CDK13: variants seen among roughly 807,000 people sequenced by gnomAD.
The protein encoded by CDK13 is cyclin-dependent kinase 13.
A neutral mutation model predicts 137.6 loss-of-function variants in CDK13; 40 were observed. The ratio of observed to expected loss-of-function variants is 0.29; its 90% confidence interval spans 0.23 to 0.38. The LOEUF (loss-of-function observed/expected upper bound fraction) is 0.38. Among genes scored for constraint, CDK13 ranks in the 10% least tolerant of loss-of-function variants. CDK13 has a pLI of 1.00. For synonymous variants in CDK13, 869 were observed against 760.1 expected (o/e 1.14, Z -2.36); for missense variants, 1,704 against 1,951.8 (o/e 0.87, Z 2.39).
chr7:40,088,525 C>T (rs550352640), intron 12 of CDK13, among the ~76,000 whole-genome samples, 194 bp downstream of exon 12: 2 of 152,240 alleles, frequency 1.3e-5, no homozygotes, highest in South Asian at 4.1e-4. Flanking sequence ...CTTAAGGTAA[C>T]TTATAAAGAA....
chr7:39,950,583 C>A lies in CDK13; in HGVS notation c.-59C>A. 7.8e-7 allele frequency: 1 copy of A among 1,282,614 alleles called. No individual in the cohort carries two copies. The highest frequency in any genetic ancestry group is 9.8e-7 in the Non-Finnish European group (1 of 1,015,302). The allele number at this position is 1,282,614 out of a possible 1,614,324, so 79.5% of individuals were successfully genotyped here. ...TCCCGTTTCCGGCGGGGGAGATGGC[C>A]AGGATCTGACCCGGGAGGAGGCCGC... On this transcript the variant is annotated 5_prime_UTR_variant, in exon 1 of 14. Transcript: ENST00000181839.
chr7:40,074,637 A>T (rs1425690006), intron 9 of CDK13, among the ~76,000 whole-genome samples: 1 of 152,008 alleles, frequency 6.6e-6, no homozygotes, highest in Non-Finnish European at 1.5e-5. Context: ...CAGGAGGATC[A>T]CTTGAGGCTA....
Position 40,001,920 on chromosome 7 carries a change from A to G in CDK13, c.2242A>G (p.Thr748Ala). 6.2e-7 allele frequency: 1 copy of G among 1,610,876 alleles called. No homozygotes were observed. Among genetic ancestry groups the G allele is most frequent in the Non-Finnish European group, 8.5e-7 (1 of 1,177,304 alleles). The change falls in exon 5 of 14, where the codon ACA becomes GCA. Residue 748 changes from threonine (T) to alanine (A), a missense_variant. By Grantham distance (58) the Thr-to-Ala change is moderately conservative. Transcript: ENST00000181839. ...LDNEKEGFPITAIREIKILRQ... is the reference protein window; with the variant it reads ...LDNEKEGFPIAAIREIKILRQ... Reference sequence around the variant, plus strand: ...TAATGAAAAGGAAGGCTTTCCAATTACAGCAATTCGAGAAATTAAAATTCT... The same window carrying G: ...TAATGAAAAGGAAGGCTTTCCAATTGCAGCAATTCGAGAAATTAAAATTCT...
chr7:39,950,688 G>A lies in CDK13; in HGVS notation c.47G>A (p.Ser16Asn), dbSNP rs769526109. The A allele has an allele frequency of 2.8e-6, 4 of 1,429,368 alleles. No individual in the cohort carries two copies. Among genetic ancestry groups the A allele is most frequent in the South Asian group, 2.9e-5 (2 of 69,826 alleles). The allele number at this position is 1,429,368 out of a possible 1,614,324, so 88.5% of individuals were successfully genotyped here. A position where few individuals can be genotyped will look rare whatever the true frequency, so the allele number is the denominator to read the frequency against. Residue 16 changes from serine to asparagine, a missense_variant, in exon 1 of 14, where the codon AGC becomes AAC. Coordinates refer to ENST00000181839, the MANE Select transcript of CDK13 (RefSeq NM_003718.5). ...GCGCTGGGGGGAGGCGGGGGCCTGAGCTGGGCGGAGAAGAAGTTGGAGGAA... is the reference window on the plus strand; with the variant it reads ...GCGCTGGGGGGAGGCGGGGGCCTGAACTGGGCGGAGAAGAAGTTGGAGGAA... ...DTALGGGGGL[S>N]WAEKKLEERR...
rs1027734369 is a variant in CDK13 at position 39,987,596 on chromosome 7, C to T, written c.1212-3C>T. The T allele has an allele frequency of 1.3e-6, 2 of 1,575,754 alleles. No individual in the cohort carries two copies. Among genetic ancestry groups the T allele is most frequent in the Admixed American group, 2.0e-5 (1 of 50,908 alleles). ...TGATTAAATCTTAATTATTTCTCAC[C>T]AGACGGTCTGGAAAATCCCGAAGCA... On this transcript the variant is annotated splice_region_variant and splice_polypyrimidine_tract_variant and intron_variant, in intron 1 of 13. Transcript: ENST00000181839.
At chr7:40,044,993 G>A (rs1321893761) in intron 5 of CDK13, among the ~76,000 whole-genome samples, 3 of 152,044 alleles carry the variant, frequency 2.0e-5, no homozygotes, top group East Asian at 3.9e-4. Flanking sequence ...ATTGGTTGTT[G>A]GTTTCAGGGA....
intron 5 of CDK13, among the ~76,000 whole-genome samples, chr7:40,016,854 G>GT (rs1052952259): frequency 9.2e-5 from 14 of 151,842 alleles, no homozygotes; most frequent in African/African-American, 3.1e-4. Flanking sequence ...TTTCTCGTTT[G>GT]TTTTTTTAGA....
chr7:40,062,661 T>G (rs1332690213), intron 7 of CDK13, 165 bp from the exon 8 acceptor site: 1 of 636,232 alleles, frequency 1.6e-6, no homozygotes, highest in Non-Finnish European at 2.8e-6. Flanking sequence ...ATACATTTTA[T>G]GATCTTATAT....
chr7:39,960,151 A>G (rs1051308997), intron 1 of CDK13, among the ~76,000 whole-genome samples: 19 of 144,944 alleles, frequency 1.3e-4, no homozygotes, highest in African/African-American at 4.6e-4. Flanking sequence ...GCTTGCTTTT[A>G]GATTTCTCTT....
chr7:39,996,203 TAGG>T (rs778102094), intron 2 of CDK13, among the ~76,000 whole-genome samples: 5 of 152,200 alleles, frequency 3.3e-5, no homozygotes, highest in Non-Finnish European at 7.3e-5. Context: ...TCAACACGAA[TAGG>T]AGGATAATTA....
intron 5 of CDK13, among the ~76,000 whole-genome samples, chr7:40,031,691 G>C (rs1173136176): frequency 6.6e-6 from 1 of 151,566 alleles, no homozygotes; most frequent in Non-Finnish European, 1.5e-5. Context: ...TGTCATCCAC[G>C]CTGGAGTGTG....
chr7:39,987,833 T>C lies in CDK13; in HGVS notation c.1446T>C (p.Ala482=). The C allele has an allele frequency of 6.2e-7, 1 of 1,614,188 alleles. No individual in the cohort carries two copies. Among genetic ancestry groups the C allele is most frequent in the Non-Finnish European group, 8.5e-7 (1 of 1,180,022 alleles). The change falls in exon 2 of 14, where the codon GCT becomes GCC. Residue 482 remains alanine, a synonymous_variant. Coordinates refer to ENST00000181839, the MANE Select transcript of CDK13 (RefSeq NM_003718.5). The stretch of plus-strand genomic sequence containing the variant: ...CAGAAGCAACTAAGGCTGCTGAGGC[T>C]GCTGCCAAGGCTGCAAAAGCTTCAA... ...KAAEATKAAE[A]AAKAAKASNT...
At chr7:40,057,954 C>CA (rs1304482879) in intron 7 of CDK13, among the ~76,000 whole-genome samples, 1 of 152,056 alleles carries the variant, frequency 6.6e-6, no homozygotes, top group Admixed American at 6.6e-5. Flanking sequence ...ATAAGTTAGG[C>CA]AATGCATATG....
chr7:40,062,711 G>A (rs1024174447), intron 7 of CDK13, 115 bp from the exon 8 acceptor site: 22 of 750,588 alleles, frequency 2.9e-5, no homozygotes, highest in African/African-American at 2.3e-4. Flanking sequence ...GTAGGCAGAT[G>A]AAAGTGTTTT....
intron 5 of CDK13, among the ~76,000 whole-genome samples, chr7:40,036,393 G>A (rs934515793): frequency 3.3e-5 from 5 of 151,972 alleles, no homozygotes; most frequent in African/African-American, 4.8e-5. Context: ...CCAACATGGC[G>A]AAACCCTGTC....
chr7:40,092,145 A>T (rs1786939716), intron 12 of CDK13: 1 of 152,192 alleles, frequency 6.6e-6, no homozygotes, highest in Non-Finnish European at 1.5e-5. Context: ...AAACACAGGC[A>T]TTTTATCAGA....
intron 1 of CDK13, among the ~76,000 whole-genome samples, chr7:39,969,090 A>T (rs17496198): frequency 6.6e-6 from 1 of 151,864 alleles, no homozygotes; most frequent in African/African-American, 2.4e-5. Flanking sequence ...GCTAACTGCA[A>T]CCTCTACCTC....
At chr7:39,974,633 T>G (rs1386337652) in intron 1 of CDK13, among the ~76,000 whole-genome samples, 2 of 151,910 alleles carry the variant, frequency 1.3e-5, no homozygotes, top group African/African-American at 2.4e-5. Context: ...GGCACGGTCT[T>G]GGCTCACTGC....
At chr7:40,035,816 T>C (rs1284305028) in intron 5 of CDK13, among the ~76,000 whole-genome samples, 1 of 63,826 alleles carries the variant, frequency 1.6e-5, no homozygotes, top group Non-Finnish European at 2.8e-5. Flanking sequence ...CATGGAAAAA[T>C]TGTCTTCCAT....
Sources: allele counts gnomAD v4.1 joint callset (sites outside exome capture counted in the v4.1 genomes callset), GRCh38; gene constraint gnomAD v4.1.1; transcripts MANE v1.5; gene names NCBI Gene and HGNC (gene_info 2026-07-23, HGNC 2026-07-21).